Variants in NMS observed in about 807,000 individuals in gnomAD.
NMS encodes neuromedin S, also known as neuromedin-S.
In NMS, 30 loss-of-function variants were observed where a neutral mutation model predicts 32.2. The observed-to-expected ratio is 0.93, with a 90% CI of 0.70 to 1.26. The LOEUF (loss-of-function observed/expected upper bound fraction) is 1.26. Among genes scored for constraint, NMS ranks in the 50% most tolerant of loss-of-function variants. The probability of loss-of-function intolerance (pLI) is 0.00; values close to 1 mark genes in which losing one functional copy is unlikely to be tolerated. For missense variants in NMS, 190 were observed against 186.3 expected, an observed-to-expected ratio of 1.02 and a Z score of -0.12; for synonymous variants, 76 against 58.5, an observed-to-expected ratio of 1.30 and a Z score of -1.37.
chr2:100,481,280 T>C lies in NMS; in HGVS notation c.414+113T>C. 4.2e-6 allele frequency: 4 copies of C among 948,400 alleles called. No homozygotes were observed. In the Admixed American group the frequency reaches 5.2e-5, roughly 12 times the overall value. 58.7% of individuals were successfully genotyped at this position (948,400 alleles called of 1,614,324 possible). Reference sequence around the variant, plus strand: ...GACCCCTTGGTAAACTGGTGGATAATTGTGGAGACTCTCTCATCCTTCACT... The same window carrying C: ...GACCCCTTGGTAAACTGGTGGATAACTGTGGAGACTCTCTCATCCTTCACT... On this transcript the variant is annotated intron_variant, in intron 8 of 9. Coordinates refer to ENST00000376865, the MANE Select transcript of NMS (RefSeq NM_001011717.1).
chr2:100,478,447 A>G (rs1385189301), intron 5 of NMS, among the ~76,000 whole-genome samples: 2 of 152,134 alleles, frequency 1.3e-5, no homozygotes, highest in Non-Finnish European at 2.9e-5. Flanking sequence ...GGGCTCAGGT[A>G]AGGAGGGGGA....
rs1573237190 is a variant in NMS at position 100,479,361 on chromosome 2, A to G, written c.270A>G (p.Pro90=). The G allele has an allele frequency of 6.8e-6, 11 of 1,608,808 alleles. No individual in the cohort carries two copies. The highest frequency in any genetic ancestry group is 9.3e-6 in the Non-Finnish European group (11 of 1,177,536). ...ATHPVKTGFP[P]VHPLMHLAAK... ...GCGCCTGTCTGTTGCAGTTTCCTCC[A>G]GTGCATCCTCTAATGCACCTGGCTG... The change falls in exon 6 of 10, where the codon CCA becomes CCG. Residue 90 remains proline, a synonymous_variant. Transcript: ENST00000376865.
At chr2:100,479,617 C>G (rs1365737471) in intron 6 of NMS, among the ~76,000 whole-genome samples, 190 bp downstream of exon 6, 1 of 152,188 alleles carries the variant, frequency 6.6e-6, no homozygotes, top group African/African-American at 2.4e-5. Flanking sequence ...CCACTGAAAC[C>G]CCATGAGGTG....
Position 100,482,257 on chromosome 2 carries a change from G to A in NMS, c.415-20G>A, listed in dbSNP as rs1392986834. On this transcript the variant is annotated intron_variant, in intron 8 of 9. Coordinates refer to ENST00000376865, the MANE Select transcript of NMS (RefSeq NM_001011717.1). ...GAAAGTTGTGTCTCAGTATTCATAAGTTGCTCCTTTTTTTTTCAGCCCAGG... is the reference window on the plus strand; with the variant it reads ...GAAAGTTGTGTCTCAGTATTCATAAATTGCTCCTTTTTTTTTCAGCCCAGG... 2.5e-6 allele frequency: 4 copies of A among 1,612,998 alleles called. No homozygotes were observed. Among genetic ancestry groups the A allele is most frequent in the South Asian group, 2.2e-5 (2 of 91,070 alleles).
chr2:100,473,611 T>C, intron 3 of NMS, 72 bp downstream of exon 3: 1 of 481,566 alleles, frequency 2.1e-6, no homozygotes, highest in South Asian at 5.8e-5. Flanking sequence ...TTTTGCTACC[T>C]ACAGGAGAAT....
chr2:100,476,729 CCAT>C (rs564349041), intron 3 of NMS, among the ~76,000 whole-genome samples: 103 of 152,270 alleles, frequency 6.8e-4, no homozygotes, highest in Non-Finnish European at 1.2e-3. Flanking sequence ...GCACATGCAG[CCAT>C]CATCTACGCA....
intron 3 of NMS, 145 bp from the exon 4 acceptor site, chr2:100,477,095 TTACG>T (rs1677125033): frequency 1.5e-6 from 1 of 666,164 alleles, no homozygotes; most frequent in Admixed American, 2.6e-5. Context: ...CTCATTAAAT[TTACG>T]TAATAATTTC....
At chr2:100,480,031 C>A (rs1486975425) in intron 6 of NMS, among the ~76,000 whole-genome samples, 3 of 152,156 alleles carry the variant, frequency 2.0e-5, no homozygotes, top group Non-Finnish European at 2.9e-5. Flanking sequence ...AATCCCAGGG[C>A]CCCTAGTACC....
intron 5 of NMS, among the ~76,000 whole-genome samples, chr2:100,478,721 C>T (rs1224337330): frequency 2.0e-5 from 3 of 152,188 alleles, no homozygotes; most frequent in Non-Finnish European, 4.4e-5. Flanking sequence ...ACATTGGCCT[C>T]CCAAATTGCT....
chr2:100,480,232 G>A (rs374363744), intron 6 of NMS, among the ~76,000 whole-genome samples: 9 of 152,340 alleles, frequency 5.9e-5, no homozygotes, highest in South Asian at 2.1e-4. Flanking sequence ...CGAAGTTGGC[G>A]CTGTTAGGAG....
intron 3 of NMS, among the ~76,000 whole-genome samples, chr2:100,475,771 G>A (rs111797623): frequency 0.025 from 3,813 of 152,038 alleles, 157 homozygotes; most frequent in African/African-American, 0.087. Context: ...AGGCTGAGAC[G>A]GGCAGATCAC....
At chr2:100,471,230 G>A (rs910580931) in intron 1 of NMS, among the ~76,000 whole-genome samples, 2 of 152,152 alleles carry the variant, frequency 1.3e-5, no homozygotes, top group Admixed American at 1.3e-4. Context: ...GGAAGTGGGC[G>A]GTGGCAGAAC....
chr2:100,473,637 A>G (rs1677048932), intron 3 of NMS, 98 bp downstream of exon 3: 2 of 333,920 alleles, frequency 6.0e-6, no homozygotes, highest in African/African-American at 4.4e-5. Context: ...ATGTATGTGC[A>G]TGCTTATGTG....
chr2:100,482,508 A>T (rs1382744455), intron 9 of NMS, among the ~76,000 whole-genome samples, 197 bp downstream of exon 9: 1 of 151,616 alleles, frequency 6.6e-6, no homozygotes, highest in Admixed American at 6.6e-5. Context: ...AGCCTAGCAG[A>T]TGCAGGCTGT....
chr2:100,478,913 C>T (rs1677161726), intron 5 of NMS, among the ~76,000 whole-genome samples: 1 of 152,198 alleles, frequency 6.6e-6, no homozygotes, highest in Non-Finnish European at 1.5e-5. Context: ...GCGTGTACAC[C>T]TGGGTACGCA....
intron 6 of NMS, 126 bp from the exon 7 acceptor site, chr2:100,480,370 C>T (rs188680679): frequency 7.6e-6 from 7 of 925,276 alleles, no homozygotes; most frequent in African/African-American, 6.7e-5. Context: ...TGCTCTCCAC[C>T]TCCTCTTTTG....
intron 5 of NMS, among the ~76,000 whole-genome samples, chr2:100,478,507 G>T (rs1479066455): frequency 6.6e-6 from 1 of 152,182 alleles, no homozygotes; most frequent in Non-Finnish European, 1.5e-5. Flanking sequence ...TTGTTGCCCA[G>T]GCTGGAGTGC....
At chr2:100,477,899 C>A (rs565931892) in intron 5 of NMS, among the ~76,000 whole-genome samples, 1 of 152,048 alleles carries the variant, frequency 6.6e-6, no homozygotes, top group Admixed American at 6.5e-5. Flanking sequence ...GAGTTACCCT[C>A]GAAAGCAGCT....
At chr2:100,482,871 C>T (rs1340161670) in intron 9 of NMS, among the ~76,000 whole-genome samples, 4 of 152,020 alleles carry the variant, frequency 2.6e-5, no homozygotes, top group African/African-American at 9.7e-5. Flanking sequence ...CGGGCCTCCT[C>T]TGTTTCTCAT....
Sources: gnomAD v4.1 joint callset for allele counts (sites outside exome capture counted in the v4.1 genomes callset) on GRCh38, gnomAD v4.1.1 for gene constraint, MANE v1.5 for transcripts, NCBI Gene and HGNC (gene_info 2026-07-23, HGNC 2026-07-21) for gene names.